Variants in ACTR3 observed in about 807,000 individuals in gnomAD.
ACTR3 encodes the protein actin-related protein 3.
A neutral mutation model predicts 56.8 loss-of-function variants in ACTR3; 12 were observed. The ratio of observed to expected loss-of-function variants is 0.21; its 90% CI spans 0.14 to 0.34. The LOEUF is 0.34. Among genes scored for constraint, ACTR3 ranks in the 10% least tolerant of loss-of-function variants. The probability of loss-of-function intolerance (pLI) is 1.00; values close to 1 mark genes in which losing one functional copy is unlikely to be tolerated. For missense variants in ACTR3, 282 were observed against 512.5 expected, an observed-to-expected ratio of 0.55 and a Z score of 4.34; for synonymous variants, 162 against 167.4, an observed-to-expected ratio of 0.97 and a Z score of 0.25.
intron 3 of ACTR3, among the ~76,000 whole-genome samples, chr2:113,924,920 A>G (rs1057505623): frequency 7.1e-6 from 1 of 141,742 alleles, no homozygotes; most frequent in African/African-American, 2.5e-5. Context: ...TTTATTTGAC[A>G]GAGTGTTACT....
chr2:113,962,151 T>A lies in ACTR3; in HGVS notation c.*4696T>A, dbSNP rs1420463822. 1 of 152,020 alleles carries A rather than the reference T, an allele frequency of 6.6e-6. No individual in the cohort carries two copies. The highest frequency in any genetic ancestry group is 6.6e-5 in the Admixed American group (1 of 15,248). 9.4% of individuals were successfully genotyped at this position (152,020 alleles called of 1,614,324 possible). On this transcript the variant is annotated 3_prime_UTR_variant, in exon 12 of 12. Coordinates refer to ENST00000263238, the MANE Select transcript of ACTR3 (RefSeq NM_005721.5). ...TCAAATATGACCGAATTACGACTTT[T>A]TTTCTGTTCCACTAGTTTCTACCTT... is the stretch of plus-strand genomic sequence containing the variant.
At chr2:113,934,574 T>C (rs1679789793) in intron 6 of ACTR3, 188 bp downstream of exon 6, 2 of 392,930 alleles carry the variant, frequency 5.1e-6, no homozygotes, top group Non-Finnish European at 9.0e-6. Context: ...TTTCTTTTAC[T>C]GTAGGTTTGT....
At chr2:113,948,969 A>C in intron 8 of ACTR3, among the ~76,000 whole-genome samples, 1 of 67,300 alleles carries the variant, frequency 1.5e-5, no homozygotes, top group African/African-American at 3.2e-4. Flanking sequence ...TGTCTTTTTC[A>C]CTCCATTTAC....
chr2:113,928,403 T>C (rs919182199), intron 4 of ACTR3, among the ~76,000 whole-genome samples: 4 of 152,246 alleles, frequency 2.6e-5, no homozygotes, highest in Admixed American at 1.3e-4. Context: ...CTAAATACTT[T>C]AGCACGTATT....
At chr2:113,956,353 T>A (rs570573420) in intron 11 of ACTR3, among the ~76,000 whole-genome samples, 1 of 151,944 alleles carries the variant, frequency 6.6e-6, no homozygotes, top group South Asian at 2.1e-4. Flanking sequence ...TAATTTAAAT[T>A]TAATTGGAAG....
chr2:113,940,176 T>C (rs761479143), intron 7 of ACTR3, 74 bp downstream of exon 7: 12 of 1,316,256 alleles, frequency 9.1e-6, no homozygotes, highest in African/African-American at 1.5e-5. Context: ...GAGAAATTTT[T>C]AATAGAAGAA....
intron 11 of ACTR3, among the ~76,000 whole-genome samples, chr2:113,955,983 G>A (rs1680204759): frequency 6.6e-6 from 1 of 152,082 alleles, no homozygotes; most frequent in Non-Finnish European, 1.5e-5. Context: ...CTGACCTTGG[G>A]ATCTGCCCAC....
chr2:113,913,108 TAAG>T lies in ACTR3; in HGVS notation c.45-61_45-59del. ...TCTCACTTCATAACAAATGAAATTC[TAAG>T]AAAGAAATGTATAATTGCTAAAATA... is the stretch of plus-strand genomic sequence containing the variant. On this transcript the variant is annotated intron_variant, in intron 1 of 11. Transcript: ENST00000263238. 3 of 1,121,090 alleles carry T rather than the reference TAAG, an allele frequency of 2.7e-6. 1 individual carries two copies. The highest frequency in any genetic ancestry group is 3.9e-6 in the Non-Finnish European group (3 of 776,808). The allele number at this position is 1,121,090 out of a possible 1,614,324, so 69.4% of individuals were successfully genotyped here.
chr2:113,903,789 T>C (rs1679144523), intron 1 of ACTR3, among the ~76,000 whole-genome samples: 1 of 151,942 alleles, frequency 6.6e-6, no homozygotes, highest in African/African-American at 2.4e-5. Flanking sequence ...CCACCCCGTC[T>C]GGCCTGTCAC....
chr2:113,910,724 T>TGTG (rs1679291737), intron 1 of ACTR3, among the ~76,000 whole-genome samples: 1 of 152,194 alleles, frequency 6.6e-6, no homozygotes, highest in Admixed American at 6.5e-5. Context: ...TGTTGATTGC[T>TGTG]GTGGTGGTGG....
chr2:113,914,611 T>A, intron 2 of ACTR3, among the ~76,000 whole-genome samples: 1 of 101,686 alleles, frequency 9.8e-6, no homozygotes, highest in Admixed American at 1.1e-4. Context: ...CAAGACTCAG[T>A]CTCAAAAAAA....
intron 8 of ACTR3, among the ~76,000 whole-genome samples, chr2:113,944,149 C>T (rs947693449): frequency 1.3e-5 from 2 of 152,040 alleles, no homozygotes; most frequent in Non-Finnish European, 2.9e-5. Flanking sequence ...TATTGATGAT[C>T]ATAGGGGAGG....
chr2:113,954,168 T>C (rs1559493163), intron 10 of ACTR3: 1 of 152,240 alleles, frequency 6.6e-6, no homozygotes, highest in Non-Finnish European at 1.5e-5. Flanking sequence ...ATAGAATTTG[T>C]CCTGTGTGTG....
At chr2:113,937,270 A>AT (rs1243900429) in intron 6 of ACTR3, among the ~76,000 whole-genome samples, 1 of 151,798 alleles carries the variant, frequency 6.6e-6, no homozygotes, top group Non-Finnish European at 1.5e-5. Context: ...CACCCAGCTA[A>AT]TTTTTTTGTA....
chr2:113,903,522 T>C (rs1243311892), intron 1 of ACTR3, among the ~76,000 whole-genome samples: 1 of 150,564 alleles, frequency 6.6e-6, no homozygotes, highest in African/African-American at 2.5e-5. Context: ...TACACCACCA[T>C]GCTCTGCTAA....
intron 1 of ACTR3, among the ~76,000 whole-genome samples, chr2:113,891,924 A>G (rs1479002201): frequency 2.0e-5 from 3 of 152,094 alleles, no homozygotes; most frequent in Non-Finnish European, 1.5e-5. Flanking sequence ...CTAATTGGTG[A>G]GTATTTTTAT....
At chr2:113,949,398 A>G (rs1410822020) in intron 8 of ACTR3, among the ~76,000 whole-genome samples, 2 of 150,028 alleles carry the variant, frequency 1.3e-5, no homozygotes, top group African/African-American at 2.5e-5. Flanking sequence ...AAAAAAGAAA[A>G]AAAAAAAGAA....
chr2:113,890,158 C>A lies in ACTR3; in HGVS notation c.-122C>A. 7.5e-7 allele frequency: 1 copy of A among 1,333,822 alleles called. No homozygotes were observed. The highest frequency in any genetic ancestry group is 1.0e-6 in the Non-Finnish European group (1 of 954,192). The allele number at this position is 1,333,822 out of a possible 1,614,324, so 82.6% of individuals were successfully genotyped here. On this transcript the variant is annotated 5_prime_UTR_variant, in exon 1 of 12. Transcript: ENST00000263238. ...TACTGCTTCGGCTTCCCGGCTACCC[C>A]CCGGACGGTGAAGGCGGCCCAGCTG...
At chr2:113,913,391 A>G (rs952148979) in intron 2 of ACTR3, among the ~76,000 whole-genome samples, 164 bp downstream of exon 2, 3 of 138,014 alleles carry the variant, frequency 2.2e-5, no homozygotes, top group Admixed American at 1.4e-4. Flanking sequence ...ATGTCTGACT[A>G]TTCATTTCAG....
Sources: allele counts gnomAD v4.1 joint callset (sites outside exome capture counted in the v4.1 genomes callset), GRCh38; gene constraint gnomAD v4.1.1; transcripts MANE v1.5; gene names NCBI Gene and HGNC (gene_info 2026-07-23, HGNC 2026-07-21).